COL17A1: variants seen among roughly 807,000 people sequenced by gnomAD.
COL17A1 encodes the protein collagen alpha-1(XVII) chain.
COL17A1 carries 181 observed loss-of-function variants against 218.4 expected under a neutral mutation model. The observed-to-expected ratio is 0.83, with a 90% CI of 0.73 to 0.94. The LOEUF (loss-of-function observed/expected upper bound fraction) is 0.94. Ranked by LOEUF, COL17A1 falls within the 40% of genes least tolerant of loss-of-function variation. COL17A1 has a pLI of 0.00. For missense variants in COL17A1, 1,924 were observed against 1,945.9 expected (o/e 0.99, Z 0.21); for synonymous variants, 721 against 731.0 (o/e 0.99, Z 0.22).
In COL17A1 at chr10:104,039,133, A is replaced by G; in HGVS notation, c.2897-12T>C. ...AACACCTGGATCACCTGGAATCCAA[A>G]ATGAGAAGTTTGCCTCACCTCCTCC... On this transcript the variant is annotated splice_polypyrimidine_tract_variant and intron_variant, in intron 43 of 55. Coordinates refer to ENST00000648076, the MANE Select transcript of COL17A1 (RefSeq NM_000494.4). The G allele has an allele frequency of 6.2e-7, 1 of 1,614,082 alleles. No homozygotes were observed. The highest frequency in any genetic ancestry group is 8.5e-7 in the Non-Finnish European group (1 of 1,179,948).
intron 1 of COL17A1, among the ~76,000 whole-genome samples, chr10:104,084,514 G>A (rs532323301): frequency 6.6e-6 from 1 of 152,126 alleles, no homozygotes; most frequent in African/African-American, 2.4e-5. Context: ...GATGGGGTTA[G>A]TATAATATGA....
intron 9 of COL17A1, among the ~76,000 whole-genome samples, chr10:104,067,232 G>A (rs961406342): frequency 6.7e-6 from 1 of 149,308 alleles, no homozygotes; most frequent in Non-Finnish European, 1.5e-5. Context: ...TAATTAAAGG[G>A]ATTAAAGAGT....
In COL17A1 at chr10:104,057,122, C is replaced by T. The variant is rs139463731; in HGVS notation, c.1318G>A (p.Gly440Ser). The T allele has an allele frequency of 1.1e-4, 173 of 1,602,934 alleles. No homozygotes were observed. Among genetic ancestry groups the T allele is most frequent in the East Asian group, 4.9e-4 (22 of 44,854 alleles). Residue 440 changes from glycine to serine, a missense_variant, in exon 17 of 56, where the codon GGT (glycine) becomes AGT (serine). Transcript: ENST00000648076. ...SGGGGSGGGGGVGGAGGGPWG... is the reference protein window; with the variant it reads ...SGGGGSGGGGSVGGAGGGPWG... ...GGGCCGCCGCCAGCGCCACCAACACCGCCACCTCCTCCACTGCCACCACCA... is the reference window on the plus strand; with the variant it reads ...GGGCCGCCGCCAGCGCCACCAACACTGCCACCTCCTCCACTGCCACCACCA...
At chr10:104,060,333 G>C (rs1472592492) in intron 13 of COL17A1, 53 bp from the exon 14 acceptor site, 5 of 1,608,192 alleles carry the variant, frequency 3.1e-6, no homozygotes, top group Non-Finnish European at 4.2e-6. Context: ...GGAGAAGGGA[G>C]AGGGGAGAAA....
In COL17A1 at chr10:104,063,461, C is replaced by T. The variant is rs546405670; in HGVS notation, c.838+286G>A. ...GCCTTTACCCTGAAAATGTCCTACACGATGATTCCGTTAGACCCTTCATTT... is the reference window on the plus strand; with the variant it reads ...GCCTTTACCCTGAAAATGTCCTACATGATGATTCCGTTAGACCCTTCATTT... On this transcript the variant is annotated intron_variant, in intron 11 of 55. Transcript: ENST00000648076. 344 of 454,628 alleles carry T rather than the reference C, an allele frequency of 7.6e-4. 3 individuals are homozygous for T. The highest frequency in any genetic ancestry group is 7.1e-3 in the Middle Eastern group (11 of 1,540). 28.2% of individuals were successfully genotyped at this position (454,628 alleles called of 1,614,324 possible).
intron 5 of COL17A1, 72 bp downstream of exon 5, chr10:104,076,228 TA>T: frequency 6.2e-7 from 1 of 1,609,668 alleles, no homozygotes; most frequent in East Asian, 2.2e-5. Context: ...GGCCAGCATG[TA>T]AATCTTCAAA....
In COL17A1 at chr10:104,032,121, G is replaced by T; in HGVS notation, c.*114C>A. 1 of 793,956 alleles carries T rather than the reference G, an allele frequency of 1.3e-6. No homozygotes were observed. 49.2% of individuals were successfully genotyped at this position (793,956 alleles called of 1,614,324 possible). On this transcript the variant is annotated 3_prime_UTR_variant, in exon 56 of 56. Transcript: ENST00000648076. ...ACAAATGTTGCTAGCTAGGTTGGCT[G>T]TGCTGTCTCAGTAGGACATTGACAG...
At chr10:104,066,724 A>G (rs933403754) in intron 9 of COL17A1, among the ~76,000 whole-genome samples, 1 of 152,250 alleles carries the variant, frequency 6.6e-6, no homozygotes, top group East Asian at 1.9e-4. Context: ...TCTGGGGATC[A>G]TAAAGAAGCT....
At chr10:104,058,120 C>A in intron 16 of COL17A1, 26 bp downstream of exon 16, 1 of 1,614,068 alleles carries the variant, frequency 6.2e-7, no homozygotes, top group Non-Finnish European at 8.5e-7. Context: ...GATCCTGTCA[C>A]TGCAGGGTTC....
intron 8 of COL17A1, 81 bp downstream of exon 8, chr10:104,071,951 C>G (rs985139863): frequency 6.4e-7 from 1 of 1,570,454 alleles, no homozygotes; most frequent in Non-Finnish European, 8.8e-7. Context: ...CACACACACA[C>G]GCATGCACAC....
rs190678807 is a variant in COL17A1, at chr10:104,069,246, G to A, written c.607+1180C>T. Among the ~76,000 whole-genome samples the A allele has an allele frequency of 9.4e-4, 143 of 152,330 alleles. 1 individual carries two copies. Among genetic ancestry groups the A allele is most frequent in the Non-Finnish European group, 8.8e-5 (6 of 68,028 alleles). ...AATGGTAAACCACCTCTCCGGCTGG[G>A]TGGAGGAATTCCACCTCCCAACTGC... On this transcript the variant is annotated intron_variant, in intron 9 of 55. Transcript: ENST00000648076.
Position 104,059,639 on chromosome 10 carries a change from A to G in COL17A1, c.1221T>C (p.Asn407=), listed in dbSNP as rs2086563940. 1 of 1,614,002 alleles carries G rather than the reference A, an allele frequency of 6.2e-7. No homozygotes were observed. Among genetic ancestry groups the G allele is most frequent in the Non-Finnish European group, 8.5e-7 (1 of 1,179,830 alleles). Residue 407 remains asparagine, a splice_region_variant and synonymous_variant, in exon 15 of 56, where the codon AAT becomes AAC. Coordinates refer to ENST00000648076, the MANE Select transcript of COL17A1 (RefSeq NM_000494.4). ...GACAACAATCATATTTGTTCTTACCATTAGCTTCGGCTTTTAGGCCTGAGT... is the reference window on the plus strand; with the variant it reads ...GACAACAATCATATTTGTTCTTACCGTTAGCTTCGGCTTTTAGGCCTGAGT... ...NADSGLKAEA[N]GDLKTVSTKG...
Position 104,043,530 on chromosome 10 carries a change from A to G in COL17A1, c.2486T>C (p.Met829Thr), listed in dbSNP as rs895538395. The change falls in exon 35 of 56, where the codon ATG becomes ACG. Residue 829 changes from methionine to threonine, a missense_variant. Coordinates refer to ENST00000648076, the MANE Select transcript of COL17A1 (RefSeq NM_000494.4). Reference protein sequence around the residue: ...VPGPPGPPGAMGPPGPPGAPG... With the variant: ...VPGPPGPPGATGPPGPPGAPG... Reference sequence around the variant, plus strand: ...GGCACCTGGAGGTCCTGGGGGTCCCATGGCTCCAGGAGGTCCTGGGGGGCC... The same window carrying G: ...GGCACCTGGAGGTCCTGGGGGTCCCGTGGCTCCAGGAGGTCCTGGGGGGCC... 1 of 1,610,798 alleles carries G rather than the reference A, an allele frequency of 6.2e-7. No homozygotes were observed. The highest frequency in any genetic ancestry group is 1.7e-5 in the Admixed American group (1 of 59,992).
At chr10:104,045,236 C>T (rs905310020) in intron 33 of COL17A1, among the ~76,000 whole-genome samples, 5 of 152,150 alleles carry the variant, frequency 3.3e-5, no homozygotes, top group Non-Finnish European at 7.3e-5. Context: ...TCTGAGTACC[C>T]GACTTGCCCT....
Position 104,063,798 on chromosome 10 carries a change from T to C in COL17A1, c.787A>G (p.Met263Val). ...TGCAAAGTGGGTGAGCAGGACGCCA[T>C]GTTGTTTGGAACTCCGAAGACTGCA... ...AGSVFGVPNN[M>V]ASCSPTLHPG... Residue 263 changes from methionine to valine, a missense_variant, in exon 11 of 56, where the codon ATG (methionine) becomes GTG (valine). Met to Val is a conservative substitution (Grantham distance 21). Coordinates refer to ENST00000648076, the MANE Select transcript of COL17A1 (RefSeq NM_000494.4). 6.2e-7 allele frequency: 1 copy of C among 1,614,192 alleles called. No homozygotes were observed. The highest frequency in any genetic ancestry group is 1.3e-5 in the African/African-American group (1 of 75,052).
In COL17A1 at chr10:104,059,732, C is replaced by G. The variant is rs374651113; in HGVS notation, c.1142-14G>C. On this transcript the variant is annotated splice_polypyrimidine_tract_variant and intron_variant, in intron 14 of 55. Transcript: ENST00000648076. ...CTGAAAAAGAAGCTATGTACAGAAC[C>G]CATTATAACCTGGCATATTCTCTTC... 6.2e-7 allele frequency: 1 copy of G among 1,612,704 alleles called. No homozygotes were observed. Among genetic ancestry groups the G allele is most frequent in the Non-Finnish European group, 8.5e-7 (1 of 1,178,784 alleles).
chr10:104,071,829 C>T (rs968664854), intron 8 of COL17A1, among the ~76,000 whole-genome samples: 10 of 152,098 alleles, frequency 6.6e-5, no homozygotes, highest in South Asian at 2.1e-4. Context: ...GCAGGAACCA[C>T]GGTTTACTCA....
At chr10:104,038,787 C>T (rs530406635) in intron 44 of COL17A1, among the ~76,000 whole-genome samples, 2 of 152,248 alleles carry the variant, frequency 1.3e-5, no homozygotes, top group South Asian at 2.1e-4. Flanking sequence ...CCCCCAACAT[C>T]GCATCCCCCT....
intron 8 of COL17A1, 48 bp from the exon 9 acceptor site, chr10:104,070,617 T>C (rs774002670): frequency 1.9e-6 from 3 of 1,613,840 alleles, no homozygotes; most frequent in Non-Finnish European, 1.7e-6. Flanking sequence ...AGTTCTTTCC[T>C]GAGTCCCTGT....
Sources: allele counts gnomAD v4.1 joint callset (sites outside exome capture counted in the v4.1 genomes callset), GRCh38; gene constraint gnomAD v4.1.1; transcripts MANE v1.5; gene names NCBI Gene and HGNC (gene_info 2026-07-23, HGNC 2026-07-21).